The following GALNTL5 variants were observed in gnomAD, a reference collection of about 807,000 sequenced individuals.
The protein encoded by GALNTL5 is polypeptide N-acetylgalactosaminyltransferase like 5.
A neutral mutation model predicts 51.0 loss-of-function variants in GALNTL5; 44 were observed. That is an observed-to-expected ratio of 0.86 (90% CI 0.68 to 1.11). The LOEUF is 1.11. GALNTL5 is among the 50% of genes least tolerant of loss of function. The pLI is 0.00. For missense variants in GALNTL5, 528 were observed against 531.8 expected (o/e 0.99, Z 0.07); for synonymous variants, 192 against 182.8 (o/e 1.05, Z -0.41).
chr7:152,012,999 G>C (rs1334549645), intron 7 of GALNTL5, among the ~76,000 whole-genome samples: 1 of 152,178 alleles, frequency 6.6e-6, no homozygotes, highest in East Asian at 1.9e-4. Flanking sequence ...ATACACCATG[G>C]AATGTTACAC....
intron 1 of GALNTL5, among the ~76,000 whole-genome samples, chr7:151,957,548 CAAAAAAAAAAAAGAAA>C (rs1397517968): frequency 1.6e-3 from 183 of 111,238 alleles, no homozygotes; most frequent in African/African-American, 5.7e-3. Flanking sequence ...GACCCTGTCT[CAAAAAAAAAAAAGAAA>C]AGAAAAAAAA....
At chr7:152,009,408 T>C (rs981662599) in intron 7 of GALNTL5, among the ~76,000 whole-genome samples, 6 of 152,220 alleles carry the variant, frequency 3.9e-5, no homozygotes, top group Non-Finnish European at 7.3e-5. Flanking sequence ...AAACTGTCTT[T>C]TCTGGAAGTT....
At chr7:151,967,111 TG>T (rs2081070025) in intron 1 of GALNTL5, 96 bp from the exon 2 acceptor site, 7 of 701,786 alleles carry the variant, frequency 1.0e-5, no homozygotes, top group South Asian at 9.6e-5. Flanking sequence ...TCAACGTGAT[TG>T]TTTTTAAAAC....
chr7:151,965,583 C>T (rs1319842832), intron 1 of GALNTL5, among the ~76,000 whole-genome samples: 3 of 152,106 alleles, frequency 2.0e-5, no homozygotes, highest in East Asian at 3.9e-4. Flanking sequence ...AAAAAATCAG[C>T]GTTAACAGTA....
At chr7:151,983,291 C>CA (rs2081318314) in intron 4 of GALNTL5, 139 bp downstream of exon 4, 1 of 717,252 alleles carries the variant, frequency 1.4e-6, no homozygotes, top group South Asian at 1.6e-5. Context: ...GATTCTCCTG[C>CA]CTCAGCCTCC....
chr7:151,964,251 C>G (rs538969825), intron 1 of GALNTL5, among the ~76,000 whole-genome samples: 2 of 152,348 alleles, frequency 1.3e-5, no homozygotes, highest in Admixed American at 6.5e-5. Flanking sequence ...TTTAAAAGCT[C>G]TGTCTCCAAA....
At chr7:151,993,974 C>CTG (rs990624392) in intron 5 of GALNTL5, among the ~76,000 whole-genome samples, 4 of 152,030 alleles carry the variant, frequency 2.6e-5, no homozygotes, top group African/African-American at 7.2e-5. Context: ...GTTGTAGGTT[C>CTG]TGTGTGTGTG....
intron 2 of GALNTL5, among the ~76,000 whole-genome samples, chr7:151,968,029 C>T (rs1344850618): frequency 6.6e-6 from 1 of 152,170 alleles, no homozygotes; most frequent in Non-Finnish European, 1.5e-5. Flanking sequence ...GGCATGGTGG[C>T]TCACACATGT....
At chr7:151,960,713 C>T (rs1035671388) in intron 1 of GALNTL5, 1 of 152,284 alleles carries the variant, frequency 6.6e-6, no homozygotes, top group African/African-American at 2.4e-5. Flanking sequence ...AATGCGAGAT[C>T]CCCAGAGAGG....
intron 8 of GALNTL5, among the ~76,000 whole-genome samples, chr7:152,015,518 C>A (rs961721936): frequency 4.3e-4 from 65 of 152,158 alleles, no homozygotes; most frequent in African/African-American, 1.4e-3. Context: ...TACCATCAGG[C>A]CTGGCTAATT....
At chr7:151,957,553 AAAAAAAAGAAAAG>A in intron 1 of GALNTL5, among the ~76,000 whole-genome samples, 1 of 140,700 alleles carries the variant, frequency 7.1e-6, no homozygotes, top group East Asian at 2.1e-4. Flanking sequence ...TGTCTCAAAA[AAAAAAAAGAAAAG>A]AAAAAAAAAA....
At chr7:151,959,389 G>A (rs1006507295) in intron 1 of GALNTL5, among the ~76,000 whole-genome samples, 5 of 151,948 alleles carry the variant, frequency 3.3e-5, no homozygotes, top group Admixed American at 6.6e-5. Flanking sequence ...GTCCTAATTC[G>A]CCATTTTCCC....
intron 7 of GALNTL5, among the ~76,000 whole-genome samples, chr7:152,011,461 C>G (rs1435961580): frequency 1.3e-5 from 2 of 152,266 alleles, no homozygotes; most frequent in Non-Finnish European, 2.9e-5. Flanking sequence ...CTCCCCGACA[C>G]CTGCAGTCCA....
intron 1 of GALNTL5, among the ~76,000 whole-genome samples, chr7:151,959,036 A>G (rs2080960690): frequency 1.3e-5 from 2 of 152,172 alleles, no homozygotes; most frequent in Admixed American, 1.3e-4. Context: ...GCTACAAGGC[A>G]TTGAGGAAGT....
At chr7:151,990,406 C>G (rs2081411946) in intron 5 of GALNTL5, among the ~76,000 whole-genome samples, 2 of 151,120 alleles carry the variant, frequency 1.3e-5, no homozygotes, top group South Asian at 4.2e-4. Context: ...CAGTGAAACC[C>G]CTTCTCTACT....
chr7:152,010,168 A>G (rs1014564843), intron 7 of GALNTL5, among the ~76,000 whole-genome samples: 1 of 151,566 alleles, frequency 6.6e-6, no homozygotes, highest in South Asian at 2.1e-4. Context: ...GCTGGAGTGC[A>G]GTGGCACGAT....
chr7:151,962,452 G>A (rs1269551781), intron 1 of GALNTL5, among the ~76,000 whole-genome samples: 1 of 34,758 alleles, frequency 2.9e-5, no homozygotes, highest in East Asian at 6.3e-4. Flanking sequence ...TTTTTTTTTT[G>A]GTTAATGCAG....
chr7:151,981,284 G>A (rs1376773797), intron 3 of GALNTL5, among the ~76,000 whole-genome samples: 1 of 152,174 alleles, frequency 6.6e-6, no homozygotes, highest in Non-Finnish European at 1.5e-5. Context: ...ATCATGTAAT[G>A]CGCCTTCTAT....
chr7:151,980,604 G>C (rs2081266491), intron 3 of GALNTL5, among the ~76,000 whole-genome samples: 1 of 152,000 alleles, frequency 6.6e-6, no homozygotes, highest in Non-Finnish European at 1.5e-5. Flanking sequence ...CGAGGACAAG[G>C]CCCTCTCCTT....
Sources: gnomAD v4.1 joint callset for allele counts (sites outside exome capture counted in the v4.1 genomes callset) on GRCh38, gnomAD v4.1.1 for gene constraint, MANE v1.5 for transcripts, NCBI Gene and HGNC (gene_info 2026-07-23, HGNC 2026-07-21) for gene names.